ACVR1B: variants seen among roughly 807,000 people sequenced by gnomAD.
ACVR1B encodes activin A receptor type 1B.
Under a neutral mutation model 55.6 loss-of-function variants are expected in ACVR1B, and 15 were observed. The ratio of observed to expected loss-of-function variants is 0.27; its 90% CI spans 0.18 to 0.42. ACVR1B has a LOEUF of 0.42. Ranked by LOEUF, ACVR1B falls within the 10% of genes least tolerant of loss-of-function variation. The probability of loss-of-function intolerance (pLI) is 1.00; values close to 1 mark genes in which losing one functional copy is unlikely to be tolerated. For missense variants in ACVR1B, 359 were observed against 670.1 expected (o/e 0.54, Z 5.13); for synonymous variants, 247 against 254.6 (o/e 0.97, Z 0.28).
chr12:51,953,594 TAA>T (rs11404836), intron 1 of ACVR1B: 28,742 of 719,748 alleles, frequency 0.04, 2 homozygotes, highest in Non-Finnish European at 0.044. Context: ...TACTGGGTAG[TAA>T]AAAAAAAAAA....
intron 1 of ACVR1B, among the ~76,000 whole-genome samples, chr12:51,961,775 A>G (rs1316175109): frequency 6.6e-6 from 1 of 152,224 alleles, no homozygotes; most frequent in Non-Finnish European, 1.5e-5. Context: ...CAAAGAAAAC[A>G]GTGGTTTTAC....
chr12:51,990,270 G>C (rs1942164866), intron 7 of ACVR1B, among the ~76,000 whole-genome samples: 1 of 150,868 alleles, frequency 6.6e-6, no homozygotes, highest in Admixed American at 6.6e-5. Context: ...TCCAGCCTGG[G>C]TGGCAAGAGT....
chr12:51,964,411 T>C (rs771998), intron 1 of ACVR1B, among the ~76,000 whole-genome samples: 62,159 of 152,116 alleles, frequency 0.41, 15,302 homozygotes, highest in African/African-American at 0.67. Flanking sequence ...TTTCTCCTGT[T>C]CATTGTCTTT....
intron 3 of ACVR1B, among the ~76,000 whole-genome samples, chr12:51,977,881 A>C (rs976326251): frequency 1.3e-5 from 2 of 151,788 alleles, no homozygotes; most frequent in Middle Eastern, 3.2e-3. Context: ...AAAGAAAAAA[A>C]ACATCCACAA....
intron 1 of ACVR1B, among the ~76,000 whole-genome samples, chr12:51,958,285 G>A (rs1373241568): frequency 6.6e-6 from 1 of 152,156 alleles, no homozygotes; most frequent in Non-Finnish European, 1.5e-5. Context: ...CTAGGGCAGT[G>A]GTCCCCAATC....
rs998109512 is a variant in ACVR1B, at chr12:51,984,241, A to G, written c.979+75A>G. The G allele has an allele frequency of 1.3e-4, 207 of 1,536,392 alleles. 1 individual carries two copies. Among genetic ancestry groups the G allele is most frequent in the Middle Eastern group, 2.3e-4 (1 of 4,370 alleles). On this transcript the variant is annotated intron_variant, in intron 5 of 8. Coordinates refer to ENST00000257963, the MANE Select transcript of ACVR1B (RefSeq NM_004302.5). Reference sequence around the variant, plus strand: ...CGCAGTGTCCTGATTTAGTTCCTAGAATTCCTTTTTACTGAGGAAGTTGGG... The same window carrying G: ...CGCAGTGTCCTGATTTAGTTCCTAGGATTCCTTTTTACTGAGGAAGTTGGG...
At chr12:51,992,152 C>CTTGGGA in intron 8 of ACVR1B, 159 bp downstream of exon 8, 1 of 928,696 alleles carries the variant, frequency 1.1e-6, no homozygotes, top group Non-Finnish European at 1.6e-6. Flanking sequence ...CCCTTTAGGG[C>CTTGGGA]TACAGTCTCT....
intron 6 of ACVR1B, 72 bp downstream of exon 6, chr12:51,985,420 T>C: frequency 4.0e-6 from 6 of 1,503,970 alleles, no homozygotes; most frequent in African/African-American, 1.4e-5. Flanking sequence ...GTTTCCCATA[T>C]GCGCAGGAGA....
chr12:51,985,325 G>T lies in ACVR1B; in HGVS notation c.1113G>T (p.Pro371=). The T allele has an allele frequency of 1.9e-6, 3 of 1,612,764 alleles. No individual in the cohort carries two copies. Among genetic ancestry groups the T allele is most frequent in the Non-Finnish European group, 2.5e-6 (3 of 1,179,482 alleles). ...DAVTDTIDIA[P]NQRVGTKRYM... is the part of the protein sequence containing the mutation. ...TCACTGACACCATTGACATTGCCCC[G>T]AATCAGAGGGTGGGGACCAAACGGT... Residue 371 remains proline, a synonymous_variant, in exon 6 of 9, where the codon CCG becomes CCT. Coordinates refer to ENST00000257963, the MANE Select transcript of ACVR1B (RefSeq NM_004302.5).
intron 1 of ACVR1B, among the ~76,000 whole-genome samples, chr12:51,965,338 GTAAAGA>G (rs376172821): frequency 1.2e-4 from 18 of 152,094 alleles, no homozygotes; most frequent in African/African-American, 4.1e-4. Context: ...AAAAAAGCTA[GTAAAGA>G]TAAAGTATAT....
At chr12:51,968,681 C>T (rs1022541212) in intron 1 of ACVR1B, among the ~76,000 whole-genome samples, 2 of 152,162 alleles carry the variant, frequency 1.3e-5, no homozygotes, top group Non-Finnish European at 2.9e-5. Context: ...CTGCCAGGTT[C>T]GTTTCCTTTT....
At chr12:51,987,376 A>G (rs1942100892) in intron 7 of ACVR1B, 1 of 464,720 alleles carries the variant, frequency 2.2e-6, no homozygotes, top group African/African-American at 2.0e-5. Context: ...CTAAATTTAT[A>G]AAAGTGCATA....
chr12:51,963,210 A>G lies in ACVR1B; in HGVS notation c.91+11376A>G, dbSNP rs566025642. ...TCATAATGTGCAAACCATCACCACT[A>G]TTTTTTAATTTTAATTTTATTTATT... is the stretch of plus-strand genomic sequence containing the variant. On this transcript the variant is annotated intron_variant, in intron 1 of 8. Transcript: ENST00000257963. Among the ~76,000 whole-genome samples, 7 of 151,982 alleles carry G rather than the reference A, an allele frequency of 4.6e-5. No individual in the cohort carries two copies. In the East Asian group the frequency reaches 5.8e-4, roughly 13 times the overall value.
chr12:51,990,312 C>CTTT (rs71092738), intron 7 of ACVR1B, among the ~76,000 whole-genome samples: 1,657 of 89,372 alleles, frequency 0.019, 25 homozygotes, highest in Middle Eastern at 0.083. Flanking sequence ...AAATTTAGTG[C>CTTT]TTTTTTTTTT....
At chr12:51,954,294 G>A (rs1353542759) in intron 1 of ACVR1B, among the ~76,000 whole-genome samples, 1 of 152,190 alleles carries the variant, frequency 6.6e-6, no homozygotes, top group Non-Finnish European at 1.5e-5. Flanking sequence ...GTTAGAAATA[G>A]CATCCGTTTG....
intron 1 of ACVR1B, among the ~76,000 whole-genome samples, chr12:51,955,385 T>C (rs941235749): frequency 1.3e-5 from 2 of 152,190 alleles, no homozygotes; most frequent in African/African-American, 4.8e-5. Context: ...AAAATATGAA[T>C]CAGTAAACGA....
chr12:51,966,653 T>TG (rs1348939010), intron 1 of ACVR1B, among the ~76,000 whole-genome samples: 1 of 152,132 alleles, frequency 6.6e-6, no homozygotes. Flanking sequence ...CTCACTGTGT[T>TG]GCCCAGGCTG....
intron 8 of ACVR1B, among the ~76,000 whole-genome samples, chr12:51,992,683 AGAG>A (rs1413580109): frequency 6.6e-6 from 1 of 152,198 alleles, no homozygotes; most frequent in East Asian, 1.9e-4. Context: ...GAGACCAGAC[AGAG>A]GAGGAGGACA....
chr12:51,980,894 G>A (rs1449040326), intron 3 of ACVR1B, 75 bp from the exon 4 acceptor site: 1 of 1,275,370 alleles, frequency 7.8e-7, no homozygotes, highest in Admixed American at 2.2e-5. Flanking sequence ...TGTTTCCGTT[G>A]TGCCAATTAG....
Sources: allele counts gnomAD v4.1 joint callset (sites outside exome capture counted in the v4.1 genomes callset), GRCh38; gene constraint gnomAD v4.1.1; transcripts MANE v1.5; gene names NCBI Gene and HGNC (gene_info 2026-07-23, HGNC 2026-07-21).